TNIK: variants seen among roughly 807,000 people sequenced by gnomAD.
The protein encoded by TNIK is TRAF2 and NCK-interacting protein kinase.
TNIK carries 49 observed loss-of-function variants against 191.3 expected under a neutral mutation model. The ratio of observed to expected loss-of-function variants is 0.26; its 90% CI spans 0.20 to 0.32. The LOEUF is 0.32. Among genes scored for constraint, TNIK ranks in the 10% least tolerant of loss-of-function variants. TNIK has a pLI of 1.00. For synonymous variants in TNIK, 594 were observed against 600.9 expected (o/e 0.99, Z 0.17); for missense variants, 1,155 against 1,702.3 (o/e 0.68, Z 5.66).
intron 2 of TNIK, among the ~76,000 whole-genome samples, chr3:171,230,398 G>A (rs915275257): frequency 6.6e-6 from 1 of 152,134 alleles, no homozygotes; most frequent in Admixed American, 6.5e-5. Flanking sequence ...CAAATACAGA[G>A]GGTCTGTCTG....
At chr3:171,322,022 A>G (rs1419737608) in intron 2 of TNIK, among the ~76,000 whole-genome samples, 2 of 152,204 alleles carry the variant, frequency 1.3e-5, no homozygotes, top group African/African-American at 4.8e-5. Flanking sequence ...CTCTGGGTAT[A>G]TGGGCTGAAT....
At chr3:171,282,329 T>C (rs568350727) in intron 2 of TNIK, among the ~76,000 whole-genome samples, 1 of 143,160 alleles carries the variant, frequency 7.0e-6, no homozygotes, top group Non-Finnish European at 1.5e-5. Context: ...CAGATTCTCT[T>C]AATGGTTTTT....
chr3:171,090,975 A>G (rs1721982102), intron 23 of TNIK, among the ~76,000 whole-genome samples: 1 of 152,186 alleles, frequency 6.6e-6, no homozygotes, highest in African/African-American at 2.4e-5. Context: ...TCTTATTATA[A>G]TGAGTTTTTA....
chr3:171,099,667 C>G (rs948370267), intron 22 of TNIK, among the ~76,000 whole-genome samples: 1 of 152,064 alleles, frequency 6.6e-6, no homozygotes, highest in African/African-American at 2.4e-5. Flanking sequence ...ACAGCGGTAG[C>G]ACAGAAGAGG....
At chr3:171,233,468 T>C (rs1176033157) in intron 2 of TNIK, among the ~76,000 whole-genome samples, 1 of 152,232 alleles carries the variant, frequency 6.6e-6, no homozygotes, top group South Asian at 2.1e-4. Context: ...ATCTATCATC[T>C]GTGTATCAAT....
chr3:171,152,036 T>G (rs1014619374), intron 12 of TNIK, among the ~76,000 whole-genome samples: 2 of 152,130 alleles, frequency 1.3e-5, no homozygotes, highest in African/African-American at 4.8e-5. Context: ...ATCCCAGCAC[T>G]CTGGGAGACC....
chr3:171,160,478 A>G (rs1226465032), intron 11 of TNIK, among the ~76,000 whole-genome samples: 1 of 151,454 alleles, frequency 6.6e-6, no homozygotes, highest in Non-Finnish European at 1.5e-5. Flanking sequence ...CCACACCTCA[A>G]TGAGTCTTCT....
chr3:171,225,584 C>A (rs766501233), intron 3 of TNIK: 1 of 456,478 alleles, frequency 2.2e-6, no homozygotes, highest in African/African-American at 2.0e-5. Flanking sequence ...AAATCATCTT[C>A]TGTAGAGCTT....
At chr3:171,294,054 GTC>G (rs1457277380) in intron 2 of TNIK, among the ~76,000 whole-genome samples, 1 of 147,240 alleles carries the variant, frequency 6.8e-6, no homozygotes, top group Non-Finnish European at 1.5e-5. Flanking sequence ...GTGAAACCCT[GTC>G]TCTACTAAAA....
At chr3:171,229,670 G>A (rs1035381770) in intron 2 of TNIK, among the ~76,000 whole-genome samples, 32 of 152,046 alleles carry the variant, frequency 2.1e-4, no homozygotes, top group Middle Eastern at 3.4e-3. Context: ...TGCCCACTCT[G>A]CCTGTCCTCT....
intron 2 of TNIK, among the ~76,000 whole-genome samples, chr3:171,327,325 C>A (rs1755878614): frequency 6.6e-6 from 1 of 152,130 alleles, no homozygotes; most frequent in Admixed American, 6.5e-5. Flanking sequence ...AATTGTAGAG[C>A]CAATGCCATG....
chr3:171,212,874 A>G (rs1447775364), intron 3 of TNIK, among the ~76,000 whole-genome samples: 1 of 149,500 alleles, frequency 6.7e-6, no homozygotes, highest in Non-Finnish European at 1.5e-5. Context: ...TACTAAAATA[A>G]GCTTTAGGAA....
chr3:171,403,633 A>G (rs1721272185), intron 1 of TNIK, among the ~76,000 whole-genome samples: 2 of 142,430 alleles, frequency 1.4e-5, no homozygotes, highest in South Asian at 4.6e-4. Context: ...AAAAAAAAAA[A>G]GAAAAGAAAA....
At chr3:171,224,220 T>G (rs1341005109) in intron 3 of TNIK, among the ~76,000 whole-genome samples, 1 of 152,178 alleles carries the variant, frequency 6.6e-6, no homozygotes, top group Admixed American at 6.5e-5. Context: ...TGCTGAGGTT[T>G]TTGTTGTTTT....
At chr3:171,120,475 C>T (rs975117118) in intron 18 of TNIK, among the ~76,000 whole-genome samples, 2 of 152,070 alleles carry the variant, frequency 1.3e-5, no homozygotes, top group African/African-American at 4.8e-5. Flanking sequence ...CGCCTGCCAC[C>T]ATGCTCGACT....
chr3:171,413,389 C>G (rs1421863597), intron 1 of TNIK, among the ~76,000 whole-genome samples: 1 of 152,150 alleles, frequency 6.6e-6, no homozygotes, highest in Non-Finnish European at 1.5e-5. Flanking sequence ...ACATATCCCA[C>G]CCCATGCCTC....
intron 3 of TNIK, among the ~76,000 whole-genome samples, chr3:171,222,005 T>G (rs1041690219): frequency 2.6e-5 from 4 of 152,166 alleles, no homozygotes; most frequent in Admixed American, 6.6e-5. Flanking sequence ...AAATCATGTA[T>G]TGAGGACCTA....
intron 12 of TNIK, among the ~76,000 whole-genome samples, chr3:171,151,514 G>A (rs973302426): frequency 4.6e-5 from 7 of 152,178 alleles, no homozygotes. Flanking sequence ...ATGTCGGCAG[G>A]CTTTGTATGA....
At chr3:171,214,925 T>C (rs1741279879) in intron 3 of TNIK, among the ~76,000 whole-genome samples, 1 of 152,218 alleles carries the variant, frequency 6.6e-6, no homozygotes, top group Non-Finnish European at 1.5e-5. Context: ...TCACAGGATC[T>C]ACTTATTGCT....
Sources: gnomAD v4.1 joint callset for allele counts (sites outside exome capture counted in the v4.1 genomes callset) on GRCh38, gnomAD v4.1.1 for gene constraint, MANE v1.5 for transcripts, NCBI Gene and HGNC (gene_info 2026-07-23, HGNC 2026-07-21) for gene names.